The following RTL4 variants were observed in gnomAD, a reference collection of about 807,000 sequenced individuals.
RTL4 encodes the protein retrotransposon Gag-like protein 4.
A neutral mutation model predicts 5.3 loss-of-function variants in RTL4; 4 were observed. The ratio of observed to expected loss-of-function variants is 0.75; its 90% CI spans 0.37 to 1.72. The LOEUF (loss-of-function observed/expected upper bound fraction) is 1.72, where lower values mean the gene tolerates loss of function less well. Among genes scored for constraint, RTL4 ranks in the 40% most tolerant of loss-of-function variants. The probability of loss-of-function intolerance (pLI) is 0.04; values close to 1 mark genes in which losing one functional copy is unlikely to be tolerated. For synonymous variants in RTL4, 98 were observed against 87.3 expected, an observed-to-expected ratio of 1.12 and a Z score of -0.68; for missense variants, 260 against 227.1, an observed-to-expected ratio of 1.14 and a Z score of -0.93.
the RTL4 span, among the ~76,000 whole-genome samples, chrX:112,181,436 A>C: frequency 1.8e-5 from 2 of 111,987 alleles, no homozygotes; most frequent in African/African-American, 6.5e-5. Context: ...ACTGGCTTGA[A>C]ATTCTCAATG....
chrX:112,433,099 T>C, the RTL4 span, among the ~76,000 whole-genome samples: 1,081 of 111,153 alleles, frequency 9.7e-3, 5 homozygotes, highest in Non-Finnish European at 0.016. Flanking sequence ...ATATCTCTGT[T>C]TTGGTACCAG....
chrX:112,352,236 T>A, the RTL4 span, among the ~76,000 whole-genome samples: 6 of 110,772 alleles, frequency 5.4e-5, no homozygotes, highest in Non-Finnish European at 9.5e-5. Context: ...CTGAGAGATC[T>A]GCTGTTAGTC....
chrX:112,443,810 G>C, the RTL4 span, among the ~76,000 whole-genome samples: 2 of 111,079 alleles, frequency 1.8e-5, no homozygotes, highest in Non-Finnish European at 3.8e-5. Flanking sequence ...AGAGTTGTTG[G>C]AGCTCCTTAT....
At chrX:112,220,893 C>G in the RTL4 span, among the ~76,000 whole-genome samples, 1 of 112,149 alleles carries the variant, frequency 8.9e-6, no homozygotes, top group Non-Finnish European at 1.9e-5. Context: ...AAGTTCCAAA[C>G]TTTCCCCCAT....
chrX:112,240,184 C>T, the RTL4 span, among the ~76,000 whole-genome samples: 100 of 111,531 alleles, frequency 9.0e-4, no homozygotes, highest in Non-Finnish European at 1.1e-3. Flanking sequence ...CAAAAGCTCC[C>T]TGGCCAGGTA....
At chrX:112,323,335 G>A in the RTL4 span, among the ~76,000 whole-genome samples, 1 of 111,117 alleles carries the variant, frequency 9.0e-6, no homozygotes, top group Admixed American at 9.6e-5. Context: ...CTATTGAATT[G>A]TTTGTCAATT....
the RTL4 span, among the ~76,000 whole-genome samples, chrX:112,404,057 C>T: frequency 9.0e-6 from 1 of 111,128 alleles, no homozygotes; most frequent in Non-Finnish European, 1.9e-5. Flanking sequence ...TTTACACCCC[C>T]CATTTCTCCC....
At chrX:112,402,400 T>TTGTGTGTGTG in the RTL4 span, among the ~76,000 whole-genome samples, 22 of 87,420 alleles carry the variant, frequency 2.5e-4, no homozygotes, top group East Asian at 3.8e-4. Context: ...GGAATTATTA[T>TTGTGTGTGTG]TGTGTGTGTG....
chrX:112,270,482 T>C, the RTL4 span, among the ~76,000 whole-genome samples: 1 of 111,951 alleles, frequency 8.9e-6, no homozygotes, highest in African/African-American at 3.2e-5. Flanking sequence ...TCAGCAGCAT[T>C]ACCCAGCACC....
At chrX:112,163,654 A>C in the RTL4 span, among the ~76,000 whole-genome samples, 3 of 112,358 alleles carry the variant, frequency 2.7e-5, no homozygotes, top group Admixed American at 9.4e-5. Flanking sequence ...AGACATCTTC[A>C]AATACCAGCT....
the RTL4 span, among the ~76,000 whole-genome samples, chrX:112,126,588 G>C: frequency 8.9e-6 from 1 of 111,877 alleles, no homozygotes; most frequent in Non-Finnish European, 1.9e-5. Flanking sequence ...AAAACAAATA[G>C]AGAATAGAAA....
chrX:112,085,088 A>G, the RTL4 span, among the ~76,000 whole-genome samples: 535 of 112,524 alleles, frequency 4.8e-3, 3 homozygotes, highest in African/African-American at 0.016. Flanking sequence ...GCAGGGACCC[A>G]AGCTTTGTCT....
At chrX:112,144,044 G>A in the RTL4 span, among the ~76,000 whole-genome samples, 1 of 112,118 alleles carries the variant, frequency 8.9e-6, no homozygotes, top group Non-Finnish European at 1.9e-5. Flanking sequence ...AGAATCTTCT[G>A]TGTACAAATC....
chrX:112,096,153 C>T, the RTL4 span, among the ~76,000 whole-genome samples: 2 of 111,763 alleles, frequency 1.8e-5, no homozygotes, highest in Non-Finnish European at 3.8e-5. Flanking sequence ...AGATTTTTTA[C>T]CTGTAAAATT....
the RTL4 span, among the ~76,000 whole-genome samples, chrX:112,190,302 A>G: frequency 4.6e-5 from 5 of 109,001 alleles, no homozygotes; most frequent in African/African-American, 1.3e-4. Flanking sequence ...TCAGTTGACC[A>G]TGTATGATTG....
chrX:112,221,097 A>C, the RTL4 span, among the ~76,000 whole-genome samples: 1 of 112,281 alleles, frequency 8.9e-6, no homozygotes, highest in Non-Finnish European at 1.9e-5. Context: ...AAGAGGTTTA[A>C]TTGACTCACA....
At chrX:112,372,697 C>T in the RTL4 span, among the ~76,000 whole-genome samples, 4 of 111,743 alleles carry the variant, frequency 3.6e-5, no homozygotes, top group African/African-American at 1.3e-4. Flanking sequence ...CTACTTTGCC[C>T]GCAGTCTTCT....
the RTL4 span, among the ~76,000 whole-genome samples, chrX:112,125,915 T>C: frequency 1.8e-5 from 2 of 111,908 alleles, no homozygotes; most frequent in Non-Finnish European, 3.8e-5. Flanking sequence ...CTTAAGAGAT[T>C]TGTCAAACTG....
chrX:112,331,342 G>T, the RTL4 span, among the ~76,000 whole-genome samples: 1 of 106,009 alleles, frequency 9.4e-6, no homozygotes, highest in Non-Finnish European at 2.0e-5. Context: ...CAAAAAGTGG[G>T]CAAAGGACAT....
Sources: gnomAD v4.1 joint callset for allele counts (sites outside exome capture counted in the v4.1 genomes callset) on GRCh38, gnomAD v4.1.1 for gene constraint, MANE v1.5 for transcripts, NCBI Gene and HGNC (gene_info 2026-07-23, HGNC 2026-07-21) for gene names.